LUC7L2: variants seen among roughly 807,000 people sequenced by gnomAD.
LUC7L2 encodes LUC7 like 2, pre-mRNA splicing factor.
Under a neutral mutation model 52.8 loss-of-function variants are expected in LUC7L2, and 25 were observed. The observed-to-expected ratio is 0.47, with a 90% CI of 0.34 to 0.66. The LOEUF is 0.66. Among genes scored for constraint, LUC7L2 ranks in the 30% least tolerant of loss-of-function variants. The pLI is 0.01. For synonymous variants in LUC7L2, 144 were observed against 160.9 expected, an observed-to-expected ratio of 0.89 and a Z score of 0.80; for missense variants, 328 against 497.8, an observed-to-expected ratio of 0.66 and a Z score of 3.25.
intron 1 of LUC7L2, among the ~76,000 whole-genome samples, chr7:139,343,724 C>T (rs185439284): frequency 7.2e-5 from 11 of 152,138 alleles, no homozygotes; most frequent in Admixed American, 4.6e-4. Context: ...CGCTTGTGCC[C>T]AGGAGTTCAC....
chr7:139,350,144 C>G (rs1477028467), intron 1 of LUC7L2, among the ~76,000 whole-genome samples: 2 of 151,510 alleles, frequency 1.3e-5, no homozygotes, highest in Admixed American at 1.3e-4. Flanking sequence ...TTTTTTGAGA[C>G]GGAGTCTCGC....
In LUC7L2 at chr7:139,413,599, G is replaced by A. The variant is rs974460993; in HGVS notation, c.809+1019G>A. ...TCGAGACCAGCCTGGCCAACATGGCGAAACTCCATCTCTACTAAAAACACA... is the reference window on the plus strand; with the variant it reads ...TCGAGACCAGCCTGGCCAACATGGCAAAACTCCATCTCTACTAAAAACACA... On this transcript the variant is annotated intron_variant, in intron 8 of 9. Transcript: ENST00000354926. Among the ~76,000 whole-genome samples the A allele has an allele frequency of 8.5e-5, 13 of 152,226 alleles. No individual in the cohort carries two copies. The East Asian group carries it at 2.3e-3, about 27-fold the overall frequency.
At chr7:139,408,032 T>G (rs1795196623) in intron 6 of LUC7L2, among the ~76,000 whole-genome samples, 1 of 152,136 alleles carries the variant, frequency 6.6e-6, no homozygotes, top group Non-Finnish European at 1.5e-5. Flanking sequence ...ACTGTAGTGT[T>G]TTTTCATGAA....
At chr7:139,378,748 T>G (rs1037629693) in intron 2 of LUC7L2, among the ~76,000 whole-genome samples, 9 of 152,206 alleles carry the variant, frequency 5.9e-5, no homozygotes, top group African/African-American at 2.2e-4. Flanking sequence ...GCTCTGTAAT[T>G]ATAAGCTATT....
At chr7:139,341,581 G>A (rs1243490221) in intron 1 of LUC7L2, 1 of 1,581,960 alleles carries the variant, frequency 6.3e-7, no homozygotes, top group Non-Finnish European at 8.6e-7. Context: ...AGCCGGGTCT[G>A]GGCTAGGGTG....
chr7:139,359,730 C>CA, upstream of LUC7L2: 1 of 399,838 alleles, frequency 2.5e-6, no homozygotes, highest in Non-Finnish European at 4.4e-6. Context: ...GTTAAGGAAC[C>CA]AGAGTATCGC....
At chr7:139,386,964 C>T (rs1291966269) in intron 2 of LUC7L2, among the ~76,000 whole-genome samples, 2 of 152,006 alleles carry the variant, frequency 1.3e-5, no homozygotes, top group African/African-American at 2.4e-5. Context: ...CTCATCCTTT[C>T]AAGTAGCTGG....
intron 1 of LUC7L2, among the ~76,000 whole-genome samples, chr7:139,344,202 G>A (rs1799145286): frequency 6.6e-6 from 1 of 152,230 alleles, no homozygotes; most frequent in Non-Finnish European, 1.5e-5. Flanking sequence ...AAAGTCATGA[G>A]TCCAGAGTTT....
At chr7:139,361,147 T>C (rs1023626910) in intron 1 of LUC7L2, among the ~76,000 whole-genome samples, 1 of 152,262 alleles carries the variant, frequency 6.6e-6, no homozygotes, top group Non-Finnish European at 1.5e-5. Context: ...AGAGAATTTC[T>C]AAATAAAATG....
At chr7:139,406,613 C>G (rs915156659) in intron 5 of LUC7L2, among the ~76,000 whole-genome samples, 6 of 152,164 alleles carry the variant, frequency 3.9e-5, no homozygotes, top group African/African-American at 1.4e-4. Flanking sequence ...CTCAGCCTCC[C>G]AAAGTGCTGG....
Position 139,422,983 on chromosome 7 carries a change from A to G in LUC7L2, c.*643A>G. 5.0e-6 allele frequency: 2 copies of G among 398,876 alleles called. No homozygotes were observed. The highest frequency in any genetic ancestry group is 2.1e-5 in the African/African-American group (1 of 48,680). 24.7% of individuals were successfully genotyped at this position (398,876 alleles called of 1,614,324 possible). A position where few individuals can be genotyped will look rare whatever the true frequency, so the allele number is the denominator to read the frequency against. ...CTTTTTTATTGAAATTTTGAAATCA[A>G]ACGTCTTGATTTTTCTGTTCTGTTG... On this transcript the variant is annotated 3_prime_UTR_variant, in exon 10 of 10. Transcript: ENST00000354926.
chr7:139,367,265 C>G (rs1039521399), intron 1 of LUC7L2, among the ~76,000 whole-genome samples: 4 of 152,132 alleles, frequency 2.6e-5, no homozygotes, highest in African/African-American at 9.7e-5. Flanking sequence ...AACCACCATG[C>G]CTGGCCTTGC....
chr7:139,353,728 G>A (rs1799525713), intron 1 of LUC7L2, among the ~76,000 whole-genome samples: 1 of 152,000 alleles, frequency 6.6e-6, no homozygotes, highest in South Asian at 2.1e-4. Context: ...GGGAGGTGGA[G>A]GTTGCAGTGA....
Position 139,422,877 on chromosome 7 carries a change from A to G in LUC7L2, c.*537A>G, listed in dbSNP as rs939729574. ...TTGATCCTGGAATGTGTGCTGGAGAAATTTAAAATACTGGGGTTTTTTGTT... is the reference window on the plus strand; with the variant it reads ...TTGATCCTGGAATGTGTGCTGGAGAGATTTAAAATACTGGGGTTTTTTGTT... On this transcript the variant is annotated 3_prime_UTR_variant, in exon 10 of 10. Transcript: ENST00000354926. The G allele has an allele frequency of 7.5e-6, 3 of 398,914 alleles. No homozygotes were observed. Among genetic ancestry groups the G allele is most frequent in the African/African-American group, 4.1e-5 (2 of 48,640 alleles). The allele number at this position is 398,914 out of a possible 1,614,324, so 24.7% of individuals were successfully genotyped here. A position where few individuals can be genotyped will look rare whatever the true frequency, so the allele number is the denominator to read the frequency against.
chr7:139,408,467 T>A (rs1052865533), intron 6 of LUC7L2, among the ~76,000 whole-genome samples: 1 of 152,226 alleles, frequency 6.6e-6, no homozygotes, highest in Non-Finnish European at 1.5e-5. Flanking sequence ...TAATGGTTGA[T>A]GTTTTTTTAA....
intron 1 of LUC7L2, chr7:139,340,643 T>G (rs937335726): frequency 5.0e-6 from 2 of 396,564 alleles, no homozygotes; most frequent in East Asian, 3.6e-5. Flanking sequence ...GAAGTGACGA[T>G]GACGTACCAA....
intron 4 of LUC7L2, 108 bp from the exon 5 acceptor site, chr7:139,405,536 C>A (rs1795081813): frequency 3.0e-6 from 4 of 1,341,078 alleles, no homozygotes; most frequent in Non-Finnish European, 4.0e-6. Context: ...ATTCTTTAAC[C>A]ACATACTGCC....
chr7:139,390,278 G>A (rs1277157401), intron 2 of LUC7L2, among the ~76,000 whole-genome samples: 1 of 147,372 alleles, frequency 6.8e-6, no homozygotes, highest in Non-Finnish European at 1.5e-5. Flanking sequence ...ATTTTTTTTG[G>A]AGACCAGGGT....
upstream of LUC7L2, among the ~76,000 whole-genome samples, chr7:139,357,012 T>A (rs1459583515): frequency 6.6e-6 from 1 of 151,870 alleles, no homozygotes; most frequent in African/African-American, 2.4e-5. Flanking sequence ...GGGATGAGAG[T>A]AAATGGAGTT....
Sources: allele counts gnomAD v4.1 joint callset (sites outside exome capture counted in the v4.1 genomes callset), GRCh38; gene constraint gnomAD v4.1.1; transcripts MANE v1.5; gene names NCBI Gene and HGNC (gene_info 2026-07-23, HGNC 2026-07-21).